Variants in FBXL20 observed in about 807,000 individuals in gnomAD.
FBXL20 encodes F-box and leucine rich repeat protein 20.
In FBXL20, 11 loss-of-function variants were observed where a neutral mutation model predicts 64.0. The observed-to-expected ratio is 0.17, with a 90% CI of 0.11 to 0.28. The LOEUF (loss-of-function observed/expected upper bound fraction) is 0.28. Ranked by LOEUF, FBXL20 falls within the 10% of genes least tolerant of loss-of-function variation. FBXL20 has a pLI of 1.00. For synonymous variants in FBXL20, 184 were observed against 189.0 expected (o/e 0.97, Z 0.22); for missense variants, 303 against 526.2 (o/e 0.58, Z 4.15).
At chr17:39,388,764 G>A (rs1038956688) in intron 1 of FBXL20, among the ~76,000 whole-genome samples, 1 of 148,994 alleles carries the variant, frequency 6.7e-6, no homozygotes, top group East Asian at 2.2e-4. Context: ...TTACAGGTGT[G>A]AGCCACCGCG....
rs569942217 is a variant in FBXL20 at position 39,283,442 on chromosome 17, C to CT, written c.495-588dup. Among the ~76,000 whole-genome samples the CT allele has an allele frequency of 2.5e-3, 362 of 146,642 alleles. 1 individual carries two copies. Among genetic ancestry groups the CT allele is most frequent in the African/African-American group, 4.7e-3 (191 of 40,276 alleles). ...AAGCATTTCAGATTTTCTTTTCTTT[C>CT]TTTTTTTTTTTGAGACAGGGTCTCG... On this transcript the variant is annotated intron_variant, in intron 7 of 14. Transcript: ENST00000264658.
intron 2 of FBXL20, among the ~76,000 whole-genome samples, chr17:39,342,224 C>T (rs1375846047): frequency 6.6e-6 from 1 of 152,002 alleles, no homozygotes; most frequent in Non-Finnish European, 1.5e-5. Context: ...CACAGTAGGG[C>T]CAGTTACCAG....
In FBXL20 at chr17:39,346,687, G is replaced by A. The variant is rs142042482; in HGVS notation, c.43-3446C>T. ...CAGACTACTAGAAATGCTAATGACT[G>A]ACAATTACTTTTTTTTTTATTATAC... On this transcript the variant is annotated intron_variant, in intron 1 of 14. Transcript: ENST00000264658. 4.3e-3 allele frequency among the ~76,000 whole-genome samples: 649 copies of A among 151,580 alleles called. 7 individuals carry two copies. The highest frequency in any genetic ancestry group is 0.015 in the African/African-American group (615 of 40,962).
chr17:39,267,812 T>C (rs890419888), intron 12 of FBXL20, among the ~76,000 whole-genome samples: 2 of 152,094 alleles, frequency 1.3e-5, no homozygotes, highest in Non-Finnish European at 2.9e-5. Flanking sequence ...TCAGAAGGAA[T>C]AACACTGGAA....
intron 12 of FBXL20, among the ~76,000 whole-genome samples, chr17:39,266,897 T>C (rs2046796842): frequency 6.6e-6 from 1 of 152,210 alleles, no homozygotes; most frequent in Non-Finnish European, 1.5e-5. Flanking sequence ...CTTGCGCCTA[T>C]AGTCCCAACA....
chr17:39,307,429 T>C (rs1356599083), intron 2 of FBXL20, among the ~76,000 whole-genome samples: 1 of 152,154 alleles, frequency 6.6e-6, no homozygotes, highest in South Asian at 2.1e-4. Context: ...AGCATTCCAG[T>C]AGACGAAATA....
At chr17:39,377,910 G>A (rs1308713406) in intron 1 of FBXL20, among the ~76,000 whole-genome samples, 1 of 152,158 alleles carries the variant, frequency 6.6e-6, no homozygotes, top group African/African-American at 2.4e-5. Flanking sequence ...CTACACAGGA[G>A]GATGAGGTGG....
chr17:39,378,016 C>T (rs1236121914), intron 1 of FBXL20, among the ~76,000 whole-genome samples: 1 of 152,024 alleles, frequency 6.6e-6, no homozygotes, highest in Admixed American at 6.6e-5. Context: ...TATCCTCCAC[C>T]ACCTACCGCC....
intron 9 of FBXL20, among the ~76,000 whole-genome samples, 197 bp from the exon 10 acceptor site, chr17:39,275,297 C>T (rs2046879711): frequency 6.6e-6 from 1 of 152,048 alleles, no homozygotes; most frequent in African/African-American, 2.4e-5. Flanking sequence ...ACCTTTGGTG[C>T]AAAGGGAAGA....
chr17:39,294,014 T>C (rs2047063150), intron 6 of FBXL20, among the ~76,000 whole-genome samples: 1 of 152,024 alleles, frequency 6.6e-6, no homozygotes, highest in African/African-American at 2.4e-5. Context: ...ACATGGCTCA[T>C]TCATTTGCTT....
intron 1 of FBXL20, among the ~76,000 whole-genome samples, chr17:39,395,049 A>T (rs893354829): frequency 2.0e-5 from 3 of 152,182 alleles, no homozygotes; most frequent in Admixed American, 6.5e-5. Flanking sequence ...GGATTTTTTT[A>T]AAATTAGGAT....
intron 2 of FBXL20, among the ~76,000 whole-genome samples, chr17:39,317,994 G>A (rs1031890348): frequency 4.6e-5 from 7 of 151,966 alleles, no homozygotes; most frequent in African/African-American, 1.2e-4. Context: ...GCCACCGCTC[G>A]CGGCCTCACT....
At position 39,305,900 on chromosome 17, in the gene FBXL20, T is replaced by A. The variant is rs182071574; in HGVS notation, c.105-2261A>T. The stretch of plus-strand genomic sequence containing the variant: ...TACTCGGGAGGCTGAGACAGAAGAA[T>A]CGCTTGAACCTGGGAGGTGGAGGTT... On this transcript the variant is annotated intron_variant, in intron 2 of 14. Transcript: ENST00000264658. 1.0e-2 allele frequency among the ~76,000 whole-genome samples: 1,516 copies of A among 151,636 alleles called. 11 individuals carry two copies. The highest frequency in any genetic ancestry group is 0.015 in the Non-Finnish European group (1,007 of 67,864).
intron 2 of FBXL20, among the ~76,000 whole-genome samples, chr17:39,315,935 T>A (rs1222261343): frequency 6.7e-6 from 1 of 149,468 alleles, no homozygotes; most frequent in Non-Finnish European, 1.5e-5. Flanking sequence ...ACATTAACCA[T>A]AATAAAGATG....
At chr17:39,370,152 AAAT>A (rs1250125326) in intron 1 of FBXL20, among the ~76,000 whole-genome samples, 1 of 152,000 alleles carries the variant, frequency 6.6e-6, no homozygotes, top group Non-Finnish European at 1.5e-5. Flanking sequence ...TACATCTTAA[AAAT>A]AATGTTTGCA....
chr17:39,360,268 A>G (rs2047781894), intron 1 of FBXL20, among the ~76,000 whole-genome samples: 1 of 152,116 alleles, frequency 6.6e-6, no homozygotes, highest in Non-Finnish European at 1.5e-5. Context: ...ATGGTTAGAG[A>G]AGTTTCAGTT....
chr17:39,350,657 T>G (rs1264287204), intron 1 of FBXL20, among the ~76,000 whole-genome samples: 1 of 152,166 alleles, frequency 6.6e-6, no homozygotes, highest in Non-Finnish European at 1.5e-5. Flanking sequence ...AATGCCATTA[T>G]GTGTAAGACA....
At chr17:39,288,640 T>A (rs1289881673) in intron 6 of FBXL20, among the ~76,000 whole-genome samples, 1 of 152,060 alleles carries the variant, frequency 6.6e-6, no homozygotes, top group Non-Finnish European at 1.5e-5. Context: ...TTTTTTTAAT[T>A]TTTTCCCCCT....
At chr17:39,332,895 GT>G (rs2047476391) in intron 2 of FBXL20, among the ~76,000 whole-genome samples, 1 of 152,050 alleles carries the variant, frequency 6.6e-6, no homozygotes, top group African/African-American at 2.4e-5. Flanking sequence ...GATGAGTCCT[GT>G]GGATCCTCCT....
Sources: allele counts gnomAD v4.1 joint callset (sites outside exome capture counted in the v4.1 genomes callset), GRCh38; gene constraint gnomAD v4.1.1; transcripts MANE v1.5; gene names NCBI Gene and HGNC (gene_info 2026-07-23, HGNC 2026-07-21).